Variants in SDK2 observed in about 807,000 individuals in gnomAD.
SDK2 encodes the protein sidekick cell adhesion molecule 2, also known as protein sidekick-2.
SDK2 carries 105 observed loss-of-function variants against 253.9 expected under a neutral mutation model. The ratio of observed to expected loss-of-function variants is 0.41; its 90% CI spans 0.35 to 0.49. SDK2 has a LOEUF of 0.49. SDK2 is among the 20% of genes least tolerant of loss of function. The pLI is 0.06. For synonymous variants in SDK2, 1,249 were observed against 1,234.9 expected (o/e 1.01, Z -0.24); for missense variants, 2,608 against 3,003.0 (o/e 0.87, Z 3.07).
rs1188169326 is a variant in SDK2 at position 73,483,639 on chromosome 17, A to ATGTG, written c.225-11422_225-11421insCACA. Among the ~76,000 whole-genome samples, 168 of 48,222 alleles carry ATGTG rather than the reference A, an allele frequency of 3.5e-3. 14 individuals carry two copies. The highest frequency in any genetic ancestry group is 9.0e-3 in the African/African-American group (119 of 13,172). 31.6% of individuals were successfully genotyped at this position (48,222 alleles called of 152,430 possible). On this transcript the variant is annotated intron_variant, in intron 2 of 44. Transcript: ENST00000392650. ...TGTATATATATGTATATGTATATAT[A>ATGTG]TATGTGTGTGTGTGTGTGTGTGTAT...
chr17:73,443,507 T>C lies in SDK2; in HGVS notation c.614-2584A>G, dbSNP rs149752425. On this transcript the variant is annotated intron_variant, in intron 5 of 44. Transcript: ENST00000392650. The surrounding 1 kb of genome is among the most constrained non-coding windows in gnomAD (Gnocchi z 4.6). The stretch of plus-strand genomic sequence containing the variant: ...TTAGAGCCCAAGCCAGAGCGCCGCA[T>C]GGCACAGCCAGGTAAACAGGGAGAC... 9.5e-4 allele frequency among the ~76,000 whole-genome samples: 145 copies of C among 152,340 alleles called. No homozygotes were observed. The highest frequency in any genetic ancestry group is 3.3e-3 in the African/African-American group (136 of 41,586).
chr17:73,371,477 T>C (rs2062733883), intron 36 of SDK2, among the ~76,000 whole-genome samples: 1 of 152,194 alleles, frequency 6.6e-6, no homozygotes, highest in African/African-American at 2.4e-5. Flanking sequence ...TTTGACTCGA[T>C]ATGAGCAACA....
intron 2 of SDK2, among the ~76,000 whole-genome samples, chr17:73,497,864 A>G (rs2063855659): frequency 1.3e-5 from 2 of 152,240 alleles, no homozygotes; most frequent in South Asian, 4.2e-4. Flanking sequence ...AAACGCCCCT[A>G]CTTGATCTCG....
In SDK2 at chr17:73,401,777, C is replaced by G. The variant is rs927372739; in HGVS notation, c.2681-25G>C. 5.2e-6 allele frequency: 8 copies of G among 1,548,940 alleles called. No homozygotes were observed. In the African/African-American group the frequency reaches 1.1e-4, roughly 21 times the overall value. On this transcript the variant is annotated intron_variant, in intron 19 of 44. Transcript: ENST00000392650. ...ACTGCACCCCAAAAGGAACCCCCAC[C>G]CCCCAAGGCCAGTTAGAGCCAGAGA...
At position 73,431,440 on chromosome 17, in the gene SDK2, A is replaced by G. The variant is rs749020665; in HGVS notation, c.1480+62T>C. Reference sequence around the variant, plus strand: ...CCCGTAGCTGTCCTGAGTCCTCAGCACCTACAGGGATGTACACACGCACAC... The same window carrying G: ...CCCGTAGCTGTCCTGAGTCCTCAGCGCCTACAGGGATGTACACACGCACAC... On this transcript the variant is annotated intron_variant, in intron 11 of 44. Transcript: ENST00000392650. The surrounding 1 kb of genome is among the most constrained non-coding windows in gnomAD (Gnocchi z 5.6). 2.5e-5 allele frequency: 38 copies of G among 1,504,126 alleles called. No homozygotes were observed. The highest frequency in any genetic ancestry group is 3.1e-5 in the Non-Finnish European group (35 of 1,112,990). 93.2% of individuals were successfully genotyped at this position (1,504,126 alleles called of 1,614,324 possible).
rs547419941 is a variant in SDK2 at position 73,387,689 on chromosome 17, G to A, written c.4394+147C>T. 4 of 658,572 alleles carry A rather than the reference G, an allele frequency of 6.1e-6. No homozygotes were observed. The East Asian group carries it at 8.4e-5, about 14-fold the overall frequency. 40.8% of individuals were successfully genotyped at this position (658,572 alleles called of 1,614,324 possible). Reference sequence around the variant, plus strand: ...CTGATTTGCGAGGGTGAGAGTGGACGCGGGGGCCGCCTGGGTGGTGCATGT... The same window carrying A: ...CTGATTTGCGAGGGTGAGAGTGGACACGGGGGCCGCCTGGGTGGTGCATGT... On this transcript the variant is annotated intron_variant, in intron 30 of 44. Coordinates refer to ENST00000392650, the MANE Select transcript of SDK2 (RefSeq NM_001144952.2).
chr17:73,458,086 C>T (rs2063540294), intron 3 of SDK2, among the ~76,000 whole-genome samples: 1 of 152,156 alleles, frequency 6.6e-6, no homozygotes, highest in Admixed American at 6.5e-5. Context: ...TCAAGCAATC[C>T]TTCCGCCTCA....
intron 29 of SDK2, among the ~76,000 whole-genome samples, chr17:73,390,079 A>T (rs1372733176): frequency 6.6e-6 from 1 of 152,218 alleles, no homozygotes; most frequent in Non-Finnish European, 1.5e-5. Context: ...ACCAGACCAG[A>T]GTAGGGTCCT....
Position 73,377,173 on chromosome 17 carries a change from ATG to A in SDK2, c.4980+2002_4980+2003del, listed in dbSNP as rs200669326. On this transcript the variant is annotated intron_variant, in intron 36 of 44. Transcript: ENST00000392650. ...CGGGAGGCAGACACAGCTAAGGGTT[ATG>A]TGTTCCAGCTCTTCCAACCAGACAG... 5.4e-3 allele frequency among the ~76,000 whole-genome samples: 804 copies of A among 148,082 alleles called. 7 individuals carry two copies. The highest frequency in any genetic ancestry group is 0.019 in the African/African-American group (777 of 39,964).
intron 29 of SDK2, among the ~76,000 whole-genome samples, chr17:73,389,714 G>C (rs962841742): frequency 6.6e-6 from 1 of 152,108 alleles, no homozygotes; most frequent in East Asian, 1.9e-4. Context: ...GGCTGTGAGT[G>C]GGGAGGGGAG....
rs1323360459 is a variant in SDK2 at position 73,595,983 on chromosome 17, A to G, written c.64+48042T>C. ...CTTGACACATAGGATTGCAGAAGTC[A>G]GAGGTCTTGGCCTTAGGGGGATACA... On this transcript the variant is annotated intron_variant, in intron 1 of 44. Coordinates refer to ENST00000392650, the MANE Select transcript of SDK2 (RefSeq NM_001144952.2). 2.0e-5 allele frequency among the ~76,000 whole-genome samples: 3 copies of G among 148,434 alleles called. No homozygotes were observed. The East Asian group carries it at 5.8e-4, about 29-fold the overall frequency.
chr17:73,335,320 A>G lies in SDK2; in HGVS notation c.*3267T>C, dbSNP rs9895499. 0.98 allele frequency: 149,874 copies of G among 152,454 alleles called. 73,716 individuals carry two copies. The highest frequency in any genetic ancestry group is 1 in the Middle Eastern group (296 of 296). 9.4% of individuals were successfully genotyped at this position (152,454 alleles called of 1,614,324 possible). ...ACACTGGGAGATTGCTTAGGGCACA[A>G]GGAGGCAATGCCAAAGGTGCCAGGT... is the stretch of plus-strand genomic sequence containing the variant. On this transcript the variant is annotated 3_prime_UTR_variant, in exon 45 of 45. Coordinates refer to ENST00000392650, the MANE Select transcript of SDK2 (RefSeq NM_001144952.2).
intron 1 of SDK2, among the ~76,000 whole-genome samples, chr17:73,613,474 C>T (rs1458374279): frequency 6.6e-6 from 1 of 152,072 alleles, no homozygotes; most frequent in Non-Finnish European, 1.5e-5. Flanking sequence ...CTCTGCCATC[C>T]GTGCTCTCTT....
Position 73,422,428 on chromosome 17 carries a change from G to C in SDK2, c.1904C>G (p.Pro635Arg). 6.2e-7 allele frequency: 1 copy of C among 1,613,874 alleles called. No individual in the cohort carries two copies. The highest frequency in any genetic ancestry group is 8.5e-7 in the Non-Finnish European group (1 of 1,179,828). The change falls in exon 15 of 45, where the codon CCC (proline) becomes CGC (arginine). Residue 635 changes from proline (P) to arginine (R), a missense_variant. This residue lies in a region of SDK2 where 1,505 missense variants were observed against 1,859.1 expected (regional missense o/e 0.81). Coordinates refer to ENST00000392650, the MANE Select transcript of SDK2 (RefSeq NM_001144952.2). Reference sequence around the variant, plus strand: ...CACACTGGCCAGGAGTACAGTCCAGGGGGCATCTGCAGGGACAGTGAGTGG... The same window carrying C: ...CACACTGGCCAGGAGTACAGTCCAGCGGGCATCTGCAGGGACAGTGAGTGG... The part of the protein sequence containing the change: ...YILEMSENNA[P>R]WTVLLASVDP...
chr17:73,530,859 G>T (rs567088590), intron 1 of SDK2, among the ~76,000 whole-genome samples: 141 of 152,296 alleles, frequency 9.3e-4, no homozygotes, highest in African/African-American at 3.3e-3. Flanking sequence ...CAAACCCATA[G>T]GAAAAGGGGA....
chr17:73,403,467 C>G (rs2063046221), intron 18 of SDK2, among the ~76,000 whole-genome samples: 1 of 151,914 alleles, frequency 6.6e-6, no homozygotes, highest in Non-Finnish European at 1.5e-5. Flanking sequence ...ACCTCACGCT[C>G]CTGTTTCTAG....
intron 17 of SDK2, among the ~76,000 whole-genome samples, chr17:73,415,132 C>T (rs1219349621): frequency 6.6e-6 from 1 of 152,172 alleles, no homozygotes; most frequent in Non-Finnish European, 1.5e-5. Flanking sequence ...CCAAGCCAGC[C>T]TCCTCTTCCT....
rs1482148891 is a variant in SDK2, at chr17:73,395,211, T to C, written c.3536A>G (p.Asn1179Ser). ...TEYRVQVQAFNAIGSGPWSQT... is the reference protein window; with the variant it reads ...TEYRVQVQAFSAIGSGPWSQT... ...GCTCCAGGGCCCGCTCCCGATGGCG[T>C]TGAAGGCCTGGACCTGGACGCGGTA... Residue 1179 changes from asparagine to serine, a missense_variant, in exon 25 of 45, where the codon AAC becomes AGC. Physicochemically the swap from Asn to Ser is conservative, Grantham distance 46 (BLOSUM62 1). This residue lies in a region of SDK2 where 1,505 missense variants were observed against 1,859.1 expected (regional missense o/e 0.81). Transcript: ENST00000392650. The surrounding 1 kb of genome is among the most constrained non-coding windows in gnomAD (Gnocchi z 4.3). 6.2e-7 allele frequency: 1 copy of C among 1,612,214 alleles called. No individual in the cohort carries two copies.
intron 2 of SDK2, among the ~76,000 whole-genome samples, chr17:73,507,086 T>C (rs979668190): frequency 6.6e-6 from 1 of 152,214 alleles, no homozygotes; most frequent in African/African-American, 2.4e-5. Flanking sequence ...CCCCTGGAGA[T>C]GGCAGTGTTC....
Sources: gnomAD v4.1 joint callset for allele counts (sites outside exome capture counted in the v4.1 genomes callset) on GRCh38, gnomAD v4.1.1 for gene constraint, gnomAD v4.1.1 regional missense constraint, Gnocchi (gnomAD v3.1) non-coding constraint, MANE v1.5 for transcripts, NCBI Gene and HGNC (gene_info 2026-07-23, HGNC 2026-07-21) for gene names.